The following DCAF6 variants were observed in gnomAD, a reference collection of about 807,000 sequenced individuals.
DCAF6 encodes the protein DDB1 and CUL4 associated factor 6, also known as DDB1- and CUL4-associated factor 6.
A neutral mutation model predicts 125.1 loss-of-function variants in DCAF6; 54 were observed. That is an observed-to-expected ratio of 0.43 (90% confidence interval 0.35 to 0.54). The LOEUF (loss-of-function observed/expected upper bound fraction) is 0.54. Among genes scored for constraint, DCAF6 ranks in the 20% least tolerant of loss-of-function variants. DCAF6 has a pLI of 0.01. For missense variants in DCAF6, 934 were observed against 1,161.7 expected (o/e 0.80, Z 2.85); for synonymous variants, 371 against 390.4 (o/e 0.95, Z 0.58).
At chr1:167,866,847 A>G in the DCAF6 span, among the ~76,000 whole-genome samples, 6,023 of 151,806 alleles carry the variant, frequency 0.04, 397 homozygotes, top group East Asian at 0.27. Flanking sequence ...CCAGTGGCCT[A>G]TCTCTCAAAA....
Position 168,003,849 on chromosome 1 carries a change from A to G in DCAF6, c.998-21A>G, listed in dbSNP as rs1210131714. ...TTCTGACTTATTACTAAACTCACTG[A>G]TAAGACCTATATTGTAATAGGAGAG... On this transcript the variant is annotated intron_variant, in intron 8 of 21. Transcript: ENST00000367840. The G allele has an allele frequency of 2.5e-6, 4 of 1,595,772 alleles. No homozygotes were observed. In the East Asian group the frequency reaches 8.9e-5, roughly 36 times the overall value.
intron 21 of DCAF6, among the ~76,000 whole-genome samples, chr1:168,072,151 G>A (rs1318884094): frequency 6.6e-6 from 1 of 151,820 alleles, no homozygotes; most frequent in African/African-American, 2.4e-5. Flanking sequence ...ACAAAAATTA[G>A]CTGGGTGTGG....
At chr1:167,948,254 A>G (rs1444838869) in intron 1 of DCAF6, among the ~76,000 whole-genome samples, 1 of 151,338 alleles carries the variant, frequency 6.6e-6, no homozygotes, top group Non-Finnish European at 1.5e-5. Context: ...ACCTTTTTAC[A>G]CTGTATTTGT....
intron 16 of DCAF6, 41 bp downstream of exon 16, chr1:168,045,268 T>C: frequency 6.6e-7 from 1 of 1,512,682 alleles, no homozygotes; most frequent in East Asian, 2.3e-5. Context: ...AAAAAATGTA[T>C]TTCACAAGGA....
the DCAF6 span, among the ~76,000 whole-genome samples, chr1:167,889,945 C>T: frequency 0.26 from 39,931 of 152,028 alleles, 5,645 homozygotes; most frequent in African/African-American, 0.37. Context: ...GTTAACATGG[C>T]TGAAAGTTTC....
chr1:168,060,251 C>T (rs1558044386), intron 17 of DCAF6, among the ~76,000 whole-genome samples: 1 of 152,080 alleles, frequency 6.6e-6, no homozygotes, highest in African/African-American at 2.4e-5. Flanking sequence ...ATGATCTTAG[C>T]TCACTGCATC....
intron 4 of DCAF6, among the ~76,000 whole-genome samples, chr1:167,984,364 A>T (rs867539501): frequency 6.6e-6 from 1 of 152,232 alleles, no homozygotes; most frequent in Admixed American, 6.5e-5. Context: ...GGCATTAATT[A>T]TAAGAAATAG....
intron 2 of DCAF6, among the ~76,000 whole-genome samples, chr1:167,962,069 T>C (rs796250299): frequency 1.3e-5 from 2 of 152,332 alleles, no homozygotes; most frequent in African/African-American, 2.4e-5. Flanking sequence ...ACTGTTTGAT[T>C]TTTATTCTTT....
At chr1:167,905,669 T>C in the DCAF6 span, among the ~76,000 whole-genome samples, 16,029 of 152,040 alleles carry the variant, frequency 0.11, 1,071 homozygotes, top group South Asian at 0.21. Flanking sequence ...TATTAGAGTT[T>C]TGTATATAGG....
At chr1:167,892,770 C>T in the DCAF6 span, among the ~76,000 whole-genome samples, 1 of 152,118 alleles carries the variant, frequency 6.6e-6, no homozygotes, top group African/African-American at 2.4e-5. Context: ...CAAAGATTTC[C>T]TCCAGGACAC....
intron 4 of DCAF6, among the ~76,000 whole-genome samples, chr1:167,985,234 T>C (rs1372275330): frequency 6.6e-6 from 1 of 151,974 alleles, no homozygotes; most frequent in East Asian, 1.9e-4. Flanking sequence ...GTGGTGTGTG[T>C]GTGCGTGCGC....
At chr1:167,898,593 CGT>C in the DCAF6 span, among the ~76,000 whole-genome samples, 1 of 38,982 alleles carries the variant, frequency 2.6e-5, no homozygotes, top group African/African-American at 7.4e-5. Flanking sequence ...AGCGAGACTC[CGT>C]TTTTTTTTTT....
chr1:167,905,685 G>T, the DCAF6 span, among the ~76,000 whole-genome samples: 1 of 152,010 alleles, frequency 6.6e-6, no homozygotes, highest in Non-Finnish European at 1.5e-5. Flanking sequence ...ATAGGCAAGA[G>T]ATTAAGACTA....
At chr1:167,936,364 G>A (rs1356185629), upstream of DCAF6, 3 of 182,612 alleles carry the variant, frequency 1.6e-5, no homozygotes, top group East Asian at 4.9e-4. Flanking sequence ...AGTGCCTAAA[G>A]ATGATGCCGC....
At chr1:167,961,965 A>G (rs955533913) in intron 2 of DCAF6, among the ~76,000 whole-genome samples, 2 of 151,858 alleles carry the variant, frequency 1.3e-5, no homozygotes, top group African/African-American at 4.8e-5. Context: ...TCTTTGACCG[A>G]TGTGTTATTT....
chr1:168,044,529 T>G (rs1251004926), intron 14 of DCAF6, 56 bp from the exon 15 acceptor site: 3 of 1,324,930 alleles, frequency 2.3e-6, no homozygotes, highest in Non-Finnish European at 3.2e-6. Context: ...TTCAGCGATT[T>G]TAGAACTAAT....
At chr1:167,951,228 A>T (rs1435048129) in intron 1 of DCAF6, among the ~76,000 whole-genome samples, 1 of 152,214 alleles carries the variant, frequency 6.6e-6, no homozygotes, top group Non-Finnish European at 1.5e-5. Flanking sequence ...AAATGAAGAA[A>T]TGTACGAGTG....
At chr1:167,927,216 T>A in the DCAF6 span, among the ~76,000 whole-genome samples, 1 of 152,194 alleles carries the variant, frequency 6.6e-6, no homozygotes, top group Non-Finnish European at 1.5e-5. Flanking sequence ...GGACATCAGG[T>A]TCCCTTTATG....
intron 10 of DCAF6, among the ~76,000 whole-genome samples, chr1:168,010,297 C>T (rs1472945224): frequency 6.6e-6 from 1 of 152,002 alleles, no homozygotes; most frequent in Non-Finnish European, 1.5e-5. Context: ...CTTTTTCACT[C>T]ATGTATATAT....
Sources: gnomAD v4.1 joint callset for allele counts (sites outside exome capture counted in the v4.1 genomes callset) on GRCh38, gnomAD v4.1.1 for gene constraint, MANE v1.5 for transcripts, NCBI Gene and HGNC (gene_info 2026-07-23, HGNC 2026-07-21) for gene names.